CNKSR2: variants seen among roughly 807,000 people sequenced by gnomAD.
The protein encoded by CNKSR2 is CNK homolog protein 2.
A neutral mutation model predicts 84.4 loss-of-function variants in CNKSR2; 14 were observed. The observed-to-expected ratio is 0.17, with a 90% CI of 0.11 to 0.26. CNKSR2 has a LOEUF of 0.26. Among genes scored for constraint, CNKSR2 ranks in the 10% least tolerant of loss-of-function variants. The probability of loss-of-function intolerance (pLI) is 1.00; values close to 1 mark genes in which losing one functional copy is unlikely to be tolerated. For synonymous variants in CNKSR2, 275 were observed against 277.9 expected (o/e 0.99, Z 0.10); for missense variants, 485 against 771.2 (o/e 0.63, Z 4.40).
chrX:21,412,696 C>T (rs890137667), intron 1 of CNKSR2, among the ~76,000 whole-genome samples: 1 of 111,501 alleles, frequency 9.0e-6, no homozygotes. Flanking sequence ...ACATAGCATT[C>T]GTAATCAGAT....
At chrX:21,619,959 C>T (rs1425108393) in intron 20 of CNKSR2, among the ~76,000 whole-genome samples, 1 of 110,941 alleles carries the variant, frequency 9.0e-6, no homozygotes, top group Non-Finnish European at 1.9e-5. Flanking sequence ...AGCCCCACCC[C>T]TCACTTTGAA....
At chrX:21,499,221 A>G (rs2091534285) in intron 7 of CNKSR2, among the ~76,000 whole-genome samples, 1 of 112,081 alleles carries the variant, frequency 8.9e-6, no homozygotes, top group Non-Finnish European at 1.9e-5. Flanking sequence ...TCATTCATGT[A>G]TTCATTTGTT....
chrX:21,604,173 T>C (rs2092501838), intron 18 of CNKSR2, among the ~76,000 whole-genome samples: 1 of 111,625 alleles, frequency 9.0e-6, no homozygotes, highest in Non-Finnish European at 1.9e-5. Flanking sequence ...CACAGCTTAG[T>C]GTAAGAAAAA....
Position 21,381,730 on chromosome X carries a change from T to G in CNKSR2, c.64+6769T>G, listed in dbSNP as rs777834423. ...AAGTATGCAGGCTGCCTCACCGTCC[T>G]TCCTGTTTGCCTACCACTGGACATT... On this transcript the variant is annotated intron_variant, in intron 1 of 21. Transcript: ENST00000379510. Among the ~76,000 whole-genome samples, 7 of 112,228 alleles carry G rather than the reference T, an allele frequency of 6.2e-5. No homozygotes were observed. In the East Asian group the frequency reaches 1.7e-3, roughly 27 times the overall value.
At chrX:21,458,556 G>A (rs768599570) in intron 4 of CNKSR2, among the ~76,000 whole-genome samples, 140 of 112,113 alleles carry the variant, frequency 1.2e-3, no homozygotes, top group African/African-American at 4.3e-3. Flanking sequence ...AAACTTTTTT[G>A]AATGTAAAAG....
At chrX:21,382,585 CAAA>C (rs1366691574) in intron 1 of CNKSR2, among the ~76,000 whole-genome samples, 1 of 110,677 alleles carries the variant, frequency 9.0e-6, no homozygotes, top group Non-Finnish European at 1.9e-5. Context: ...AAAATAAAAA[CAAA>C]AAGCTCATAT....
At chrX:21,556,132 G>A (rs1485995696) in intron 11 of CNKSR2, among the ~76,000 whole-genome samples, 3 of 110,651 alleles carry the variant, frequency 2.7e-5, no homozygotes, top group African/African-American at 9.8e-5. Flanking sequence ...AAGAAACTAC[G>A]AAAATAGAAA....
At chrX:21,499,048 G>C (rs1307299408) in intron 7 of CNKSR2, among the ~76,000 whole-genome samples, 2 of 111,705 alleles carry the variant, frequency 1.8e-5, no homozygotes, top group African/African-American at 6.5e-5. Context: ...TATATTTGCA[G>C]TTGGAGTGCA....
intron 1 of CNKSR2, among the ~76,000 whole-genome samples, chrX:21,407,136 T>C (rs2090275045): frequency 8.9e-6 from 1 of 111,762 alleles, no homozygotes; most frequent in African/African-American, 3.2e-5. Flanking sequence ...TAGAACTATA[T>C]TATTTCTAAA....
rs745950303 is a variant in CNKSR2 at position 21,652,747 on chromosome X, C to A, written c.*226C>A. 3.2e-6 allele frequency: 1 copy of A among 315,950 alleles called. No homozygotes were observed. The highest frequency in any genetic ancestry group is 5.5e-6 in the Non-Finnish European group (1 of 183,190). 26.0% of individuals were successfully genotyped at this position (315,950 alleles called of 1,213,427 possible). On this transcript the variant is annotated 3_prime_UTR_variant, in exon 22 of 22. Coordinates refer to ENST00000379510, the MANE Select transcript of CNKSR2 (RefSeq NM_014927.5). ...GTTTACCATGTGCAAAATCAACTGT[C>A]TTTAATGACTTAAAATTAACTTTTG...
intron 13 of CNKSR2, among the ~76,000 whole-genome samples, chrX:21,587,841 T>C (rs914661298): frequency 8.9e-6 from 1 of 111,928 alleles, no homozygotes; most frequent in African/African-American, 3.2e-5. Flanking sequence ...ACCACCTACA[T>C]GTTCAGTGAT....
chrX:21,421,901 C>G (rs1264036062), intron 1 of CNKSR2: 1 of 110,557 alleles, frequency 9.0e-6, no homozygotes, highest in Non-Finnish European at 1.9e-5. Flanking sequence ...TTGCTCCACT[C>G]TACTGCACTG....
chrX:21,597,110 G>T (rs1007942413), intron 17 of CNKSR2, among the ~76,000 whole-genome samples: 19 of 111,591 alleles, frequency 1.7e-4, no homozygotes, highest in African/African-American at 6.2e-4. Context: ...CCAACTCCAA[G>T]AATTAATACA....
At chrX:21,466,510 A>G (rs755502767) in intron 4 of CNKSR2, among the ~76,000 whole-genome samples, 2 of 111,892 alleles carry the variant, frequency 1.8e-5, no homozygotes, top group African/African-American at 3.2e-5. Context: ...AAAATATAAC[A>G]TAGTCATTTA....
At chrX:21,522,777 A>C (rs1469517997) in intron 9 of CNKSR2, among the ~76,000 whole-genome samples, 1 of 110,951 alleles carries the variant, frequency 9.0e-6, no homozygotes, top group African/African-American at 3.3e-5. Flanking sequence ...TTTTACAATC[A>C]CAATCTTCCA....
At chrX:21,410,309 G>C (rs1312675224) in intron 1 of CNKSR2, among the ~76,000 whole-genome samples, 1 of 110,795 alleles carries the variant, frequency 9.0e-6, no homozygotes, top group Non-Finnish European at 1.9e-5. Context: ...GTTTTGAGTA[G>C]TAATTAGAAA....
intron 13 of CNKSR2, among the ~76,000 whole-genome samples, chrX:21,567,795 G>GGTGTGTGTGTGTGT (rs58020537): frequency 1.7e-4 from 15 of 90,132 alleles, no homozygotes; most frequent in African/African-American, 6.1e-4. Flanking sequence ...GTTTTTGTGT[G>GGTGTGTGTGTGTGT]GTGTGTGTGT....
chrX:21,561,407 T>C (rs1041314938), intron 11 of CNKSR2, 64 bp from the exon 12 acceptor site: 2 of 843,057 alleles, frequency 2.4e-6, no homozygotes, highest in South Asian at 2.1e-5. Flanking sequence ...TAAAAATCAG[T>C]GTAAGTTTGA....
intron 20 of CNKSR2, among the ~76,000 whole-genome samples, chrX:21,630,754 T>G (rs1397049075): frequency 9.0e-6 from 1 of 111,254 alleles, no homozygotes. Flanking sequence ...GAATTAAAAT[T>G]TTTAGGTTTT....
Sources: allele counts gnomAD v4.1 joint callset (sites outside exome capture counted in the v4.1 genomes callset), GRCh38; gene constraint gnomAD v4.1.1; transcripts MANE v1.5; gene names NCBI Gene and HGNC (gene_info 2026-07-23, HGNC 2026-07-21).